The following SYNE2 variants were observed in gnomAD, a reference collection of about 807,000 sequenced individuals.
The protein encoded by SYNE2 is spectrin repeat containing nuclear envelope protein 2, also known as nesprin-2.
A neutral mutation model predicts 856.3 loss-of-function variants in SYNE2; 431 were observed. The observed-to-expected ratio is 0.50, with a 90% CI of 0.47 to 0.55. The LOEUF (loss-of-function observed/expected upper bound fraction) is 0.55. SYNE2 is among the 20% of genes least tolerant of loss of function. SYNE2 has a pLI of 0.00. For synonymous variants in SYNE2, 2,923 were observed against 2,872.3 expected, an observed-to-expected ratio of 1.02 and a Z score of -0.56; for missense variants, 8,129 against 8,023.2, an observed-to-expected ratio of 1.01 and a Z score of -0.50.
rs776288711 is a variant in SYNE2, at chr14:64,141,975, A to G, written c.15193A>G (p.Ile5065Val). 4 of 1,614,168 alleles carry G rather than the reference A, an allele frequency of 2.5e-6. No individual in the cohort carries two copies. The highest frequency in any genetic ancestry group is 2.2e-5 in the South Asian group (2 of 91,084). ...QMEKLPSRKA[I>V]TEMISWMNNV... ...GGAGAAATTGCCGTCTCGTAAAGCAATCACAGAAATGATTAGCTGGATGAA... is the reference window on the plus strand; with the variant it reads ...GGAGAAATTGCCGTCTCGTAAAGCAGTCACAGAAATGATTAGCTGGATGAA... Residue 5065 changes from isoleucine (I) to valine (V), a missense_variant, in exon 82 of 116, where the codon ATC becomes GTC. Ile to Val is a conservative substitution (Grantham distance 29). Transcript: ENST00000555002.
chr14:64,210,218 G>A, intron 103 of SYNE2, 94 bp downstream of exon 103: 1 of 1,460,794 alleles, frequency 6.8e-7, no homozygotes, highest in Non-Finnish European at 9.2e-7. Flanking sequence ...GCAGCAGGTA[G>A]AAGGTTTCAC....
At chr14:64,035,843 A>G (rs2097084443) in intron 45 of SYNE2, among the ~76,000 whole-genome samples, 2 of 150,970 alleles carry the variant, frequency 1.3e-5, no homozygotes, top group Non-Finnish European at 3.0e-5. Context: ...CCAGGCATGT[A>G]TCACAATGCC....
chr14:63,968,196 G>GT (rs2096422282), intron 11 of SYNE2, among the ~76,000 whole-genome samples: 4 of 152,154 alleles, frequency 2.6e-5, no homozygotes, highest in South Asian at 2.1e-4. Flanking sequence ...GGGCAGCTTT[G>GT]TTTTTTTGGA....
Position 64,049,582 on chromosome 14 carries a change from A to T in SYNE2, c.7378-29A>T, listed in dbSNP as rs762063661. The T allele has an allele frequency of 9.3e-6, 15 of 1,611,540 alleles. No individual in the cohort carries two copies. In the Admixed American group the frequency reaches 2.2e-4, roughly 23 times the overall value. On this transcript the variant is annotated intron_variant, in intron 46 of 115. Transcript: ENST00000555002. ...TTAATGCATAAATAAGTGAGTGTTT[A>T]TTGACTGATCTGTGTGACTTATTTT...
chr14:64,145,085 C>A (rs942148939), intron 83 of SYNE2, among the ~76,000 whole-genome samples: 2 of 151,858 alleles, frequency 1.3e-5, no homozygotes, highest in African/African-American at 2.4e-5. Flanking sequence ...TGCCGCCACG[C>A]CTAGCTAATT....
intron 1 of SYNE2, among the ~76,000 whole-genome samples, chr14:63,799,520 G>A (rs951688534): frequency 6.6e-6 from 1 of 150,620 alleles, no homozygotes; most frequent in Admixed American, 6.7e-5. Flanking sequence ...GTGAAACCCC[G>A]TCTCTACTAA....
intron 25 of SYNE2, among the ~76,000 whole-genome samples, chr14:63,997,991 G>A (rs571191901): frequency 6.6e-6 from 1 of 152,208 alleles, no homozygotes; most frequent in South Asian, 2.1e-4. Context: ...TAGCATTTTG[G>A]GGCTGGGAGT....
At chr14:64,051,053 T>C (rs2097222034) in intron 47 of SYNE2, among the ~76,000 whole-genome samples, 1 of 152,110 alleles carries the variant, frequency 6.6e-6, no homozygotes, top group Non-Finnish European at 1.5e-5. Context: ...TTTATACTTT[T>C]ATCTAAATGG....
At chr14:63,773,344 T>G (rs987585927) in intron 1 of SYNE2, among the ~76,000 whole-genome samples, 2 of 151,710 alleles carry the variant, frequency 1.3e-5, no homozygotes, top group Non-Finnish European at 2.9e-5. Context: ...GTACCACGGG[T>G]GCACACGACC....
At position 64,065,494 on chromosome 14, in the gene SYNE2, A is replaced by C. The variant is rs886285721; in HGVS notation, c.10275A>C (p.Arg3425Ser). 9.3e-6 allele frequency: 15 copies of C among 1,613,912 alleles called. No individual in the cohort carries two copies. The highest frequency in any genetic ancestry group is 1.6e-4 in the Middle Eastern group (1 of 6,084). The change falls in exon 51 of 116, where the codon AGA becomes AGC. Residue 3425 changes from arginine to serine, a missense_variant. Arg to Ser is a moderately radical substitution (Grantham distance 110). Around this residue, in one of 3 missense-constraint regions of SYNE2, gnomAD observed 5,410 missense variants for 5,284.8 expected, o/e 1.02. Coordinates refer to ENST00000555002, the MANE Select transcript of SYNE2 (RefSeq NM_182914.3). ...EELMKLRQIL[R>S]LLRLRCTEND... ...TAATGAAACTACGACAGATCCTTAGACTCTTGAGACTCAGGTGCACAGAAA... is the reference window on the plus strand; with the variant it reads ...TAATGAAACTACGACAGATCCTTAGCCTCTTGAGACTCAGGTGCACAGAAA...
At chr14:64,049,547 G>A in intron 46 of SYNE2, 64 bp from the exon 47 acceptor site, 1 of 1,551,992 alleles carries the variant, frequency 6.4e-7, no homozygotes, top group Non-Finnish European at 8.9e-7. Context: ...GAGGAAAGAA[G>A]ATGAATGAAT....
intron 1 of SYNE2, among the ~76,000 whole-genome samples, chr14:63,769,401 G>T (rs1193720697): frequency 6.6e-6 from 1 of 152,200 alleles, no homozygotes; most frequent in African/African-American, 2.4e-5. Context: ...AGGCACAGTG[G>T]CTCACGCCTG....
intron 99 of SYNE2, among the ~76,000 whole-genome samples, chr14:64,200,332 G>A (rs921129469): frequency 2.3e-4 from 35 of 152,130 alleles, no homozygotes; most frequent in African/African-American, 6.5e-4. Context: ...CAGAGGTCAC[G>A]AGCCTGAGCC....
chr14:63,834,311 T>C (rs1889772089), intron 1 of SYNE2, among the ~76,000 whole-genome samples: 1 of 152,030 alleles, frequency 6.6e-6, no homozygotes, highest in Non-Finnish European at 1.5e-5. Flanking sequence ...TGCAGTGAGC[T>C]GAGATTGTAC....
intron 1 of SYNE2, among the ~76,000 whole-genome samples, chr14:63,830,634 C>T (rs1274505504): frequency 6.6e-6 from 1 of 151,556 alleles, no homozygotes; most frequent in East Asian, 1.9e-4. Context: ...GCACTCCAGC[C>T]TCAGCAATGG....
At position 64,126,348 on chromosome 14, in the gene SYNE2, T is replaced by C. The variant is rs769943949; in HGVS notation, c.13576T>C (p.Tyr4526His). 9 of 1,613,904 alleles carry C rather than the reference T, an allele frequency of 5.6e-6. No homozygotes were observed. The highest frequency in any genetic ancestry group is 6.8e-6 in the Non-Finnish European group (8 of 1,179,864). ...TCAGGAAAATATGACAGAAGAAGCA[T>C]ATATCAATTTGGATAAAAAATTGTT... Reference protein sequence around the residue: ...QTQENMTEEAYINLDKKLFEL... With the variant: ...QTQENMTEEAHINLDKKLFEL... Residue 4526 changes from tyrosine to histidine, a missense_variant, in exon 72 of 116, where the codon TAT becomes CAT. Coordinates refer to ENST00000555002, the MANE Select transcript of SYNE2 (RefSeq NM_182914.3).
At chr14:63,809,911 A>G (rs1888548990) in intron 1 of SYNE2, among the ~76,000 whole-genome samples, 1 of 152,202 alleles carries the variant, frequency 6.6e-6, no homozygotes, top group Non-Finnish European at 1.5e-5. Context: ...TCTCAAAAGA[A>G]TCCATTCTCT....
chr14:64,089,010 A>T (rs550857162), intron 58 of SYNE2, among the ~76,000 whole-genome samples: 1 of 152,192 alleles, frequency 6.6e-6, no homozygotes, highest in South Asian at 2.1e-4. Flanking sequence ...ACTTTTCCTC[A>T]TAATTTGAAG....
intron 77 of SYNE2, 99 bp downstream of exon 77, chr14:64,132,537 A>T: frequency 6.8e-7 from 1 of 1,475,924 alleles, no homozygotes; most frequent in Non-Finnish European, 9.4e-7. Flanking sequence ...TCATTAAGCT[A>T]TAGTTAAATG....
Sources: allele counts gnomAD v4.1 joint callset (sites outside exome capture counted in the v4.1 genomes callset), GRCh38; gene constraint gnomAD v4.1.1; regional missense constraint gnomAD v4.1.1; transcripts MANE v1.5; gene names NCBI Gene and HGNC (gene_info 2026-07-23, HGNC 2026-07-21).